The following DYNC1LI2 variants were observed in gnomAD, a reference collection of about 807,000 sequenced individuals.
The protein encoded by DYNC1LI2 is cytoplasmic dynein 1 light intermediate chain 2.
A neutral mutation model predicts 57.8 loss-of-function variants in DYNC1LI2; 19 were observed. The ratio of observed to expected loss-of-function variants is 0.33; its 90% confidence interval spans 0.23 to 0.48. The LOEUF is 0.48. Among genes scored for constraint, DYNC1LI2 ranks in the 20% least tolerant of loss-of-function variants. The pLI is 0.99. For missense variants in DYNC1LI2, 470 were observed against 604.2 expected, an observed-to-expected ratio of 0.78 and a Z score of 2.33; for synonymous variants, 256 against 233.4, an observed-to-expected ratio of 1.10 and a Z score of -0.88.
At position 66,725,249 on chromosome 16, in the gene DYNC1LI2, TGGAGGGATCACCTGG is replaced by T. The variant is rs2017517969; in HGVS notation, c.1378+564_1378+578del. Among the ~76,000 whole-genome samples, 5 of 149,218 alleles carry T rather than the reference TGGAGGGATCACCTGG, an allele frequency of 3.4e-5. No individual in the cohort carries two copies. In the Admixed American group the frequency reaches 3.4e-4, roughly 10 times the overall value. ...ATCCCAGCACTTTGGGAGGCCAAGATGGAGGGATCACCTGGGGTCAGGAATTCCAAGACCAGCCTG... is the reference window on the plus strand; with the variant it reads ...ATCCCAGCACTTTGGGAGGCCAAGATGGTCAGGAATTCCAAGACCAGCCTG... On this transcript the variant is annotated intron_variant, in intron 12 of 12. Coordinates refer to ENST00000258198, the MANE Select transcript of DYNC1LI2 (RefSeq NM_006141.3).
At chr16:66,745,749 C>G (rs754751079) in intron 3 of DYNC1LI2, among the ~76,000 whole-genome samples, 5 of 151,392 alleles carry the variant, frequency 3.3e-5, no homozygotes, top group Non-Finnish European at 7.4e-5. Context: ...ACAAAAGATA[C>G]AAAAATTAGC....
At chr16:66,734,520 T>C (rs1395720307) in intron 5 of DYNC1LI2, among the ~76,000 whole-genome samples, 2 of 151,606 alleles carry the variant, frequency 1.3e-5, no homozygotes, top group Non-Finnish European at 2.9e-5. Flanking sequence ...AGAGTGAAGA[T>C]GTAATAGGCC....
intron 12 of DYNC1LI2, among the ~76,000 whole-genome samples, chr16:66,724,382 C>T (rs186925739): frequency 6.6e-6 from 1 of 152,248 alleles, no homozygotes; most frequent in East Asian, 1.9e-4. Flanking sequence ...GAAGGGAATA[C>T]TACCAGCCCA....
chr16:66,739,781 A>G (rs2017804262), intron 4 of DYNC1LI2, among the ~76,000 whole-genome samples: 1 of 152,242 alleles, frequency 6.6e-6, no homozygotes, highest in Non-Finnish European at 1.5e-5. Context: ...ACATAACATG[A>G]GTGAAAAGGC....
At chr16:66,748,394 G>A (rs1014695085) in intron 3 of DYNC1LI2, among the ~76,000 whole-genome samples, 1 of 150,274 alleles carries the variant, frequency 6.7e-6, no homozygotes, top group African/African-American at 2.4e-5. Context: ...ACACTTGTAA[G>A]AAAACATTTT....
intron 4 of DYNC1LI2, among the ~76,000 whole-genome samples, chr16:66,737,854 C>A (rs1304330511): frequency 6.6e-6 from 1 of 152,222 alleles, no homozygotes; most frequent in African/African-American, 2.4e-5. Flanking sequence ...TATGTGGGCA[C>A]TTCAAGGCTC....
chr16:66,747,569 ATTTTTTTTT>A (rs760932236), intron 3 of DYNC1LI2, among the ~76,000 whole-genome samples: 10 of 141,284 alleles, frequency 7.1e-5, no homozygotes, highest in African/African-American at 2.6e-4. Flanking sequence ...AAAGAAAGTA[ATTTTTTTTT>A]TTTTTTTTTA....
chr16:66,733,161 A>G (rs992827334), intron 6 of DYNC1LI2: 1 of 152,248 alleles, frequency 6.6e-6, no homozygotes, highest in Non-Finnish European at 1.5e-5. Context: ...CCTTTTCTAC[A>G]TAAAAGCAAA....
chr16:66,743,344 A>C (rs2017875295), intron 3 of DYNC1LI2, among the ~76,000 whole-genome samples: 1 of 151,926 alleles, frequency 6.6e-6, no homozygotes, highest in Non-Finnish European at 1.5e-5. Flanking sequence ...CGAACTGATC[A>C]CGAGGTCGGG....
rs1316861462 is a variant in DYNC1LI2, at chr16:66,723,166, CAAT to C, written c.*553_*555del. ...GTGTTTTGTTTGGAAATGCTTCTAA[CAAT>C]GATTCTTCAACTTCTACTGAATGCA... is the stretch of plus-strand genomic sequence containing the variant. On this transcript the variant is annotated 3_prime_UTR_variant, in exon 13 of 13. Transcript: ENST00000258198. 3 of 340,970 alleles carry C rather than the reference CAAT, an allele frequency of 8.8e-6. No individual in the cohort carries two copies. Among genetic ancestry groups the C allele is most frequent in the Non-Finnish European group, 1.8e-5 (3 of 169,592 alleles). 21.1% of individuals were successfully genotyped at this position (340,970 alleles called of 1,614,324 possible). A position where few individuals can be genotyped will look rare whatever the true frequency, so the allele number is the denominator to read the frequency against.
chr16:66,730,010 A>ACC, intron 8 of DYNC1LI2, 102 bp downstream of exon 8: 1 of 900,894 alleles, frequency 1.1e-6, no homozygotes, highest in Non-Finnish European at 1.7e-6. Flanking sequence ...CAAACTCCTG[A>ACC]CCTCATGTGA....
chr16:66,727,694 T>C lies in DYNC1LI2; in HGVS notation c.1255A>G (p.Ile419Val). ...ACTTTTGAGGAATACATACTTTTGATGTTTGGGTCCGGCTTTTTTACTGAC... is the reference window on the plus strand; with the variant it reads ...ACTTTTGAGGAATACATACTTTTGACGTTTGGGTCCGGCTTTTTTACTGAC... Reference protein sequence around the residue: ...GTSVKKPDPNIKNNAASEGVL... With the variant: ...GTSVKKPDPNVKNNAASEGVL... The change falls in exon 11 of 13, where the codon ATC (isoleucine) becomes GTC (valine). Residue 419 changes from isoleucine to valine, a missense_variant. By Grantham distance (29) the Ile-to-Val change is conservative (BLOSUM62 3). Transcript: ENST00000258198. 6 of 1,614,076 alleles carry C rather than the reference T, an allele frequency of 3.7e-6. No homozygotes were observed. Among genetic ancestry groups the C allele is most frequent in the Non-Finnish European group, 4.2e-6 (5 of 1,179,954 alleles).
rs571275376 is a variant in DYNC1LI2 at position 66,745,972 on chromosome 16, TA to T, written c.298+3224del. ...TCTTCCTCTTTTAGAAAAATATACT[TA>T]AAAAAAAACCTATCTTTTATTAACT... On this transcript the variant is annotated intron_variant, in intron 3 of 12. Coordinates refer to ENST00000258198, the MANE Select transcript of DYNC1LI2 (RefSeq NM_006141.3). Among the ~76,000 whole-genome samples, 504 of 151,420 alleles carry T rather than the reference TA, an allele frequency of 3.3e-3. 4 individuals are homozygous for T. The highest frequency in any genetic ancestry group is 5.1e-3 in the Non-Finnish European group (345 of 67,746).
At position 66,742,472 on chromosome 16, in the gene DYNC1LI2, A is replaced by T. The variant is rs770809124; in HGVS notation, c.495T>A (p.Ile165=). Residue 165 remains isoleucine, a synonymous_variant, in exon 4 of 13, where the codon ATT becomes ATA. Coordinates refer to ENST00000258198, the MANE Select transcript of DYNC1LI2 (RefSeq NM_006141.3). The stretch of plus-strand genomic sequence containing the variant: ...CCAGCTCCCTCATTTTTTCTGGTGG[A>T]ATTTTCATTTTATCAATGTGCTCAC... ...VLREHIDKMK[I]PPEKMRELER... is the part of the protein sequence containing the mutation. The T allele has an allele frequency of 1.4e-5, 23 of 1,613,760 alleles. No individual in the cohort carries two copies. The highest frequency in any genetic ancestry group is 1.9e-5 in the Non-Finnish European group (22 of 1,179,904).
Position 66,727,701 on chromosome 16 carries a change from G to A in DYNC1LI2, c.1248C>T (p.Asp416=). The A allele has an allele frequency of 6.2e-7, 1 of 1,614,012 alleles. No homozygotes were observed. The highest frequency in any genetic ancestry group is 8.5e-7 in the Non-Finnish European group (1 of 1,179,974). Residue 416 remains aspartate (D), a synonymous_variant, in exon 11 of 13, where the codon GAC becomes GAT. Transcript: ENST00000258198. ...AGGAATACATACTTTTGATGTTTGG[G>A]TCCGGCTTTTTTACTGACGTGCCTG... ...SSPGTSVKKP[D]PNIKNNAASE...
rs573145525 is a variant in DYNC1LI2, at chr16:66,740,596, C to G, written c.529+1842G>C. 6.0e-4 allele frequency among the ~76,000 whole-genome samples: 92 copies of G among 152,274 alleles called. 1 individual carries two copies. The South Asian group carries it at 0.014, about 23-fold the overall frequency. On this transcript the variant is annotated intron_variant, in intron 4 of 12. Coordinates refer to ENST00000258198, the MANE Select transcript of DYNC1LI2 (RefSeq NM_006141.3). ...TCCTCTCTCCTCTTCCTCCTTATAA[C>G]CAAACTGAACTTTGATATTTAGAAC...
chr16:66,744,939 G>A (rs2017908566), intron 3 of DYNC1LI2, among the ~76,000 whole-genome samples: 1 of 151,990 alleles, frequency 6.6e-6, no homozygotes, highest in Non-Finnish European at 1.5e-5. Context: ...TTGAGATGGA[G>A]TCTCCCTCTG....
intron 4 of DYNC1LI2, among the ~76,000 whole-genome samples, chr16:66,740,120 A>C (rs2144995365): frequency 6.6e-6 from 1 of 152,312 alleles, no homozygotes; most frequent in East Asian, 1.9e-4. Flanking sequence ...ACTAAAGTAC[A>C]AAAAAGCGCC....
At chr16:66,737,280 A>G (rs1388447425) in intron 4 of DYNC1LI2, among the ~76,000 whole-genome samples, 1 of 152,034 alleles carries the variant, frequency 6.6e-6, no homozygotes, top group African/African-American at 2.4e-5. Flanking sequence ...TACCTCAAAA[A>G]ACAAAACAAA....
Sources: allele counts gnomAD v4.1 joint callset (sites outside exome capture counted in the v4.1 genomes callset), GRCh38; gene constraint gnomAD v4.1.1; transcripts MANE v1.5; gene names NCBI Gene and HGNC (gene_info 2026-07-23, HGNC 2026-07-21).